The following ACSS3 variants were observed in gnomAD, a reference collection of about 807,000 sequenced individuals.
The protein encoded by ACSS3 is acyl-CoA synthetase short-chain family member 3, mitochondrial.
Under a neutral mutation model 84.2 loss-of-function variants are expected in ACSS3, and 64 were observed. The observed-to-expected ratio is 0.76, with a 90% CI of 0.62 to 0.94. The LOEUF (loss-of-function observed/expected upper bound fraction) is 0.94, where lower values mean the gene tolerates loss of function less well. Ranked by LOEUF, ACSS3 falls within the 40% of genes least tolerant of loss-of-function variation. The pLI is 0.00. For synonymous variants in ACSS3, 317 were observed against 310.1 expected, an observed-to-expected ratio of 1.02 and a Z score of -0.23; for missense variants, 815 against 867.6, an observed-to-expected ratio of 0.94 and a Z score of 0.76.
chr12:81,135,422 AAT>A (rs1555250332), intron 3 of ACSS3, among the ~76,000 whole-genome samples: 61 of 144,200 alleles, frequency 4.2e-4, no homozygotes, highest in African/African-American at 1.1e-3. Flanking sequence ...ATAATATATA[AAT>A]ATATATAATA....
At chr12:81,217,076 A>G in intron 10 of ACSS3, 80 bp downstream of exon 10, 1 of 1,101,496 alleles carries the variant, frequency 9.1e-7, no homozygotes, top group Non-Finnish European at 1.3e-6. Context: ...GTTGCATGAA[A>G]CAAACTAGGG....
intron 1 of ACSS3, among the ~76,000 whole-genome samples, chr12:81,084,900 T>A (rs556018730): frequency 5.9e-4 from 90 of 152,312 alleles, no homozygotes; most frequent in African/African-American, 2.1e-3. Context: ...AAAGCCAGAA[T>A]AGCACATTAC....
At chr12:81,168,055 T>A (rs1297619738) in intron 7 of ACSS3, among the ~76,000 whole-genome samples, 1 of 152,190 alleles carries the variant, frequency 6.6e-6, no homozygotes, top group Non-Finnish European at 1.5e-5. Flanking sequence ...GGTGATTCCA[T>A]ATGATTAAAG....
intron 7 of ACSS3, among the ~76,000 whole-genome samples, chr12:81,154,618 G>T (rs1288565303): frequency 6.6e-6 from 1 of 152,072 alleles, no homozygotes; most frequent in African/African-American, 2.4e-5. Flanking sequence ...ATCCTGCCCA[G>T]ATTCCTGAAC....
intron 10 of ACSS3, among the ~76,000 whole-genome samples, chr12:81,217,239 T>C (rs1593209966): frequency 6.6e-6 from 1 of 152,154 alleles, no homozygotes; most frequent in Non-Finnish European, 1.5e-5. Flanking sequence ...GTTAGGAATA[T>C]GGGTGTGAAA....
At chr12:81,154,495 C>T (rs1886769494) in intron 7 of ACSS3, among the ~76,000 whole-genome samples, 1 of 152,202 alleles carries the variant, frequency 6.6e-6, no homozygotes, top group African/African-American at 2.4e-5. Context: ...TTGTTTTCTA[C>T]AACTTATAAA....
chr12:81,125,010 C>T (rs1414287011), intron 2 of ACSS3, among the ~76,000 whole-genome samples: 1 of 152,102 alleles, frequency 6.6e-6, no homozygotes, highest in Non-Finnish European at 1.5e-5. Context: ...GTCAGGAGAT[C>T]GAAACCATCC....
chr12:81,134,698 T>C (rs2121555304), intron 2 of ACSS3, 118 bp from the exon 3 acceptor site: 1 of 771,860 alleles, frequency 1.3e-6, no homozygotes, highest in Non-Finnish European at 1.9e-6. Context: ...TATGTGTTAC[T>C]TAGGCTCCTT....
intron 1 of ACSS3, among the ~76,000 whole-genome samples, chr12:81,083,085 A>G (rs1422954273): frequency 6.6e-6 from 1 of 152,244 alleles, no homozygotes; most frequent in African/African-American, 2.4e-5. Flanking sequence ...AAGAAAAGCC[A>G]AGTGTCCTTA....
intron 10 of ACSS3, among the ~76,000 whole-genome samples, chr12:81,219,732 T>C (rs2033039151): frequency 6.6e-6 from 1 of 152,108 alleles, no homozygotes; most frequent in African/African-American, 2.4e-5. Context: ...AGGGTATATT[T>C]AGTGGACATA....
chr12:81,103,745 A>G (rs1412993811), intron 1 of ACSS3, among the ~76,000 whole-genome samples: 1 of 152,198 alleles, frequency 6.6e-6, no homozygotes, highest in African/African-American at 2.4e-5. Flanking sequence ...CTAGGTTGTT[A>G]ATATTTTCAA....
intron 13 of ACSS3, among the ~76,000 whole-genome samples, chr12:81,238,752 T>C (rs978851754): frequency 6.6e-6 from 1 of 151,892 alleles, no homozygotes; most frequent in South Asian, 2.1e-4. Context: ...CTCTTCCTTT[T>C]TTTTTCCTTA....
chr12:81,139,950 C>A (rs993050960), intron 4 of ACSS3, among the ~76,000 whole-genome samples: 2 of 151,894 alleles, frequency 1.3e-5, no homozygotes, highest in Non-Finnish European at 2.9e-5. Flanking sequence ...TTTTAATCTT[C>A]CTGGTAACTC....
intron 13 of ACSS3, among the ~76,000 whole-genome samples, chr12:81,243,591 G>A (rs1012182861): frequency 7.9e-5 from 12 of 152,072 alleles, no homozygotes; most frequent in South Asian, 4.2e-4. Context: ...GAGGCATCAC[G>A]CTACCTGACT....
At chr12:81,204,769 G>A (rs1406308701) in intron 9 of ACSS3, among the ~76,000 whole-genome samples, 1 of 152,140 alleles carries the variant, frequency 6.6e-6, no homozygotes, top group African/African-American at 2.4e-5. Context: ...GTGTCCTTAT[G>A]TCCAGGTACT....
intron 9 of ACSS3, among the ~76,000 whole-genome samples, chr12:81,206,395 G>T (rs142911570): frequency 6.6e-6 from 1 of 152,064 alleles, no homozygotes; most frequent in African/African-American, 2.4e-5. Context: ...ATAGTAAAAT[G>T]CAAATAATCT....
At chr12:81,086,754 A>G (rs1467454717) in intron 1 of ACSS3, among the ~76,000 whole-genome samples, 1 of 152,074 alleles carries the variant, frequency 6.6e-6, no homozygotes, top group East Asian at 1.9e-4. Context: ...TTCTACTTTC[A>G]TAAGCAACAA....
At chr12:81,224,727 G>T (rs2033216138) in intron 11 of ACSS3, among the ~76,000 whole-genome samples, 2 of 151,760 alleles carry the variant, frequency 1.3e-5, no homozygotes, top group Admixed American at 1.3e-4. Context: ...CTTTTAAATT[G>T]CACACCATTC....
intron 7 of ACSS3, among the ~76,000 whole-genome samples, chr12:81,159,269 G>A (rs1887031647): frequency 1.3e-5 from 2 of 151,884 alleles, no homozygotes; most frequent in South Asian, 2.1e-4. Flanking sequence ...GATTAGAAAA[G>A]AGGAAAACAC....
Sources: allele counts gnomAD v4.1 joint callset (sites outside exome capture counted in the v4.1 genomes callset), GRCh38; gene constraint gnomAD v4.1.1; transcripts MANE v1.5; gene names NCBI Gene and HGNC (gene_info 2026-07-23, HGNC 2026-07-21).